Variants in PPM1L observed in about 807,000 individuals in gnomAD.
The protein encoded by PPM1L is protein phosphatase, Mg2+/Mn2+ dependent 1L.
Under a neutral mutation model 31.4 loss-of-function variants are expected in PPM1L, and 13 were observed. The ratio of observed to expected loss-of-function variants is 0.41; its 90% CI spans 0.27 to 0.66. The LOEUF (loss-of-function observed/expected upper bound fraction) is 0.66. PPM1L is among the 30% of genes least tolerant of loss of function. The pLI is 0.29. For synonymous variants in PPM1L, 184 were observed against 175.4 expected, an observed-to-expected ratio of 1.05 and a Z score of -0.39; for missense variants, 326 against 453.7, an observed-to-expected ratio of 0.72 and a Z score of 2.56.
rs537270286 is a variant in PPM1L at position 161,011,640 on chromosome 3, T to A, written c.574+49730T>A. Among the ~76,000 whole-genome samples the A allele has an allele frequency of 2.9e-3, 441 of 152,218 alleles. 1 individual carries two copies. The highest frequency in any genetic ancestry group is 0.01 in the African/African-American group (425 of 41,526). On this transcript the variant is annotated intron_variant, in intron 2 of 3. Transcript: ENST00000498165. The stretch of plus-strand genomic sequence containing the variant: ...CCATTTTCACAATATTGATTCTTCC[T>A]ATCCATGAGCATGGAATGTTCTTCC...
chr3:160,962,337 A>G (rs1191462371), intron 2 of PPM1L, among the ~76,000 whole-genome samples: 2 of 152,024 alleles, frequency 1.3e-5, no homozygotes, highest in African/African-American at 4.8e-5. Context: ...TTCCTTAGCA[A>G]CTCAGACACT....
chr3:160,816,989 G>A (rs1713016772), intron 1 of PPM1L, among the ~76,000 whole-genome samples: 1 of 151,898 alleles, frequency 6.6e-6, no homozygotes. Context: ...AATTCTTGCT[G>A]GTAACATTGG....
At chr3:161,025,602 A>C (rs1455814008) in intron 2 of PPM1L, among the ~76,000 whole-genome samples, 2 of 149,804 alleles carry the variant, frequency 1.3e-5, no homozygotes, top group Admixed American at 1.3e-4. Flanking sequence ...AAAGAGTCTC[A>C]TGCAGCATTT....
chr3:160,924,755 G>T (rs1347082868), intron 1 of PPM1L, among the ~76,000 whole-genome samples: 2 of 152,164 alleles, frequency 1.3e-5, no homozygotes, highest in Non-Finnish European at 2.9e-5. Flanking sequence ...CCAGAGTAAA[G>T]GGAGCACTTG....
At chr3:160,984,459 TACAA>T (rs930665708) in intron 2 of PPM1L, among the ~76,000 whole-genome samples, 28 of 152,212 alleles carry the variant, frequency 1.8e-4, no homozygotes, top group African/African-American at 6.5e-4. Context: ...ACACATGCTC[TACAA>T]ACAATTTGTG....
intron 1 of PPM1L, among the ~76,000 whole-genome samples, chr3:160,784,536 C>G (rs1469936424): frequency 6.6e-6 from 1 of 152,180 alleles, no homozygotes; most frequent in Non-Finnish European, 1.5e-5. Flanking sequence ...GGTCGGGTTA[C>G]CCATACTGCT....
chr3:160,963,498 G>A (rs1379929667), intron 2 of PPM1L, among the ~76,000 whole-genome samples: 1 of 152,034 alleles, frequency 6.6e-6, no homozygotes, highest in Non-Finnish European at 1.5e-5. Flanking sequence ...TGAGGAATTT[G>A]GGACTAAATA....
At position 160,814,607 on chromosome 3, in the gene PPM1L, A is replaced by ATATATATG. The variant is rs1332805431; in HGVS notation, c.399+57907_399+57908insGTATATAT. On this transcript the variant is annotated intron_variant, in intron 1 of 3. Transcript: ENST00000498165. Reference sequence around the variant, plus strand: ...TACACACACATATGTATGTATGTGTATATATATACACACACATATGTATGT... The same window carrying ATATATATG: ...TACACACACATATGTATGTATGTGTATATATATGTATATATACACACACATATGTATGT... Among the ~76,000 whole-genome samples, 76 of 148,568 alleles carry ATATATATG rather than the reference A, an allele frequency of 5.1e-4. 2 individuals carry two copies. Among genetic ancestry groups the ATATATATG allele is most frequent in the Admixed American group, 4.5e-3 (67 of 14,900 alleles).
At chr3:160,975,934 G>T (rs1559910403) in intron 2 of PPM1L, among the ~76,000 whole-genome samples, 1 of 148,124 alleles carries the variant, frequency 6.8e-6, no homozygotes, top group Non-Finnish European at 1.5e-5. Flanking sequence ...GTGAGAGAGG[G>T]CATCCCTGTC....
intron 1 of PPM1L, among the ~76,000 whole-genome samples, chr3:160,789,270 TA>T (rs1418861851): frequency 1.3e-5 from 2 of 151,980 alleles, no homozygotes; most frequent in Non-Finnish European, 2.9e-5. Context: ...TAATGTTTTC[TA>T]ATTGGTTATT....
chr3:161,027,634 C>A (rs1000543663), intron 2 of PPM1L, among the ~76,000 whole-genome samples: 1 of 152,158 alleles, frequency 6.6e-6, no homozygotes, highest in African/African-American at 2.4e-5. Flanking sequence ...CCCAAAGGGT[C>A]TCTCCCACAA....
intron 2 of PPM1L, among the ~76,000 whole-genome samples, chr3:161,053,990 G>A (rs530970565): frequency 7.9e-5 from 12 of 152,172 alleles, no homozygotes; most frequent in South Asian, 2.1e-4. Context: ...CATTCCTGCC[G>A]CTCTGCTCTT....
chr3:161,037,582 T>A (rs1385643570), intron 2 of PPM1L, among the ~76,000 whole-genome samples: 1 of 37,514 alleles, frequency 2.7e-5, no homozygotes, highest in Non-Finnish European at 4.1e-5. Context: ...GCCCGGCTAA[T>A]TTTTTTTTTT....
chr3:160,766,120 T>A (rs1715095221), intron 1 of PPM1L, among the ~76,000 whole-genome samples: 1 of 152,222 alleles, frequency 6.6e-6, no homozygotes, highest in South Asian at 2.1e-4. Context: ...GTAATGATAA[T>A]CCCTTTTATA....
intron 1 of PPM1L, among the ~76,000 whole-genome samples, chr3:160,771,337 A>G (rs1715249842): frequency 6.7e-6 from 1 of 149,126 alleles, no homozygotes; most frequent in African/African-American, 2.5e-5. Flanking sequence ...GCTCACTGCA[A>G]TCTCTGCCTC....
intron 2 of PPM1L, among the ~76,000 whole-genome samples, chr3:160,988,010 C>T (rs1051547069): frequency 6.6e-6 from 1 of 152,232 alleles, no homozygotes; most frequent in Non-Finnish European, 1.5e-5. Context: ...GAGGCAGATT[C>T]TCTAAGAGTT....
intron 2 of PPM1L, among the ~76,000 whole-genome samples, chr3:161,012,717 C>G (rs371361441): frequency 1.3e-5 from 2 of 151,968 alleles, no homozygotes; most frequent in African/African-American, 2.4e-5. Context: ...GTCTATTCAG[C>G]GATTCAACTT....
intron 1 of PPM1L, among the ~76,000 whole-genome samples, chr3:160,862,668 A>G (rs1243836796): frequency 2.2e-5 from 3 of 139,044 alleles, no homozygotes; most frequent in African/African-American, 6.0e-5. Flanking sequence ...ACACGCACAC[A>G]CACACACACA....
intron 1 of PPM1L, among the ~76,000 whole-genome samples, chr3:160,810,248 C>A (rs1196224267): frequency 1.3e-5 from 2 of 152,016 alleles, no homozygotes; most frequent in Non-Finnish European, 2.9e-5. Context: ...CCTGACTGTC[C>A]TGTCCCTCAA....
Sources: allele counts gnomAD v4.1 joint callset (sites outside exome capture counted in the v4.1 genomes callset), GRCh38; gene constraint gnomAD v4.1.1; transcripts MANE v1.5; gene names NCBI Gene and HGNC (gene_info 2026-07-23, HGNC 2026-07-21).